Variants in TRAPPC9 observed in about 807,000 individuals in gnomAD.
TRAPPC9 encodes IKK2 binding protein.
In TRAPPC9, 83 loss-of-function variants were observed where a neutral mutation model predicts 124.0. The observed-to-expected ratio is 0.67, with a 90% CI of 0.56 to 0.80. TRAPPC9 has a LOEUF of 0.80. Ranked by LOEUF, TRAPPC9 falls within the 30% of genes least tolerant of loss-of-function variation. TRAPPC9 has a pLI of 0.00. For synonymous variants in TRAPPC9, 638 were observed against 617.5 expected, an observed-to-expected ratio of 1.03 and a Z score of -0.49; for missense variants, 1,302 against 1,508.3, an observed-to-expected ratio of 0.86 and a Z score of 2.27.
chr8:140,173,101 C>T (rs1040836127), intron 17 of TRAPPC9, among the ~76,000 whole-genome samples: 10 of 152,170 alleles, frequency 6.6e-5, no homozygotes, highest in Non-Finnish European at 1.2e-4. Context: ...ATAGGGTCTG[C>T]ATTTGTACTA....
rs146329916 is a variant in TRAPPC9, at chr8:140,156,960, CT to C, written c.2556+64498del. ...CCTCCCTTTCCATTCAAAAGCCTCC[CT>C]TTTCCATTCAAAAGCCTCCCTTTCC... On this transcript the variant is annotated intron_variant, in intron 17 of 22. Transcript: ENST00000438773. Among the ~76,000 whole-genome samples the C allele has an allele frequency of 9.9e-3, 1,055 of 106,670 alleles. 27 individuals carry two copies. Among genetic ancestry groups the C allele is most frequent in the Middle Eastern group, 0.015 (3 of 206 alleles). The allele number at this position is 106,670 out of a possible 152,430, so 70.0% of individuals were successfully genotyped here. A position where few individuals can be genotyped will look rare whatever the true frequency, so the allele number is the denominator to read the frequency against.
At chr8:139,916,673 G>C (rs1291966626) in intron 19 of TRAPPC9, 2 of 152,220 alleles carry the variant, frequency 1.3e-5, no homozygotes, top group Non-Finnish European at 2.9e-5. Flanking sequence ...TAATAGTCAA[G>C]AGTTGGCACT....
intron 17 of TRAPPC9, among the ~76,000 whole-genome samples, chr8:140,066,519 G>A (rs1284305755): frequency 6.6e-6 from 1 of 152,202 alleles, no homozygotes; most frequent in Non-Finnish European, 1.5e-5. Context: ...CAAGACCTGT[G>A]AGATTGAGAA....
intron 19 of TRAPPC9, among the ~76,000 whole-genome samples, chr8:139,983,250 C>T (rs1258065991): frequency 6.6e-6 from 1 of 152,164 alleles, no homozygotes; most frequent in African/African-American, 2.4e-5. Flanking sequence ...AACCTGCAGC[C>T]TCCAGAATCT....
chr8:140,316,621 A>T (rs2131913399), intron 9 of TRAPPC9, among the ~76,000 whole-genome samples: 4 of 152,276 alleles, frequency 2.6e-5, no homozygotes, highest in African/African-American at 9.6e-5. Flanking sequence ...AGATCTTTCA[A>T]ATGTGCTGTT....
chr8:140,012,453 G>A (rs1208814395), intron 18 of TRAPPC9, among the ~76,000 whole-genome samples: 4 of 152,218 alleles, frequency 2.6e-5, no homozygotes, highest in Non-Finnish European at 5.9e-5. Flanking sequence ...GAAGGGCGTG[G>A]ACCCCATGCG....
At chr8:140,347,873 C>G (rs996870477) in intron 9 of TRAPPC9, among the ~76,000 whole-genome samples, 1 of 152,226 alleles carries the variant, frequency 6.6e-6, no homozygotes, top group African/African-American at 2.4e-5. Context: ...GGTACTTCTT[C>G]CTTTTCCATA....
At chr8:139,794,348 C>A (rs566717641) in intron 21 of TRAPPC9, among the ~76,000 whole-genome samples, 1 of 152,332 alleles carries the variant, frequency 6.6e-6, no homozygotes, top group African/African-American at 2.4e-5. Flanking sequence ...CAGGTACTCG[C>A]CTGCAGACAT....
intron 9 of TRAPPC9, among the ~76,000 whole-genome samples, chr8:140,314,075 T>C (rs1447140078): frequency 6.6e-6 from 1 of 152,202 alleles, no homozygotes; most frequent in Non-Finnish European, 1.5e-5. Context: ...CCTCTGCACT[T>C]AGAAGCTAGA....
chr8:140,299,528 G>A (rs888586919), intron 11 of TRAPPC9, among the ~76,000 whole-genome samples: 9 of 152,246 alleles, frequency 5.9e-5, no homozygotes, highest in African/African-American at 1.4e-4. Flanking sequence ...CAGGCCTCCC[G>A]CTCACACTCC....
intron 6 of TRAPPC9, among the ~76,000 whole-genome samples, chr8:140,404,909 CGTGTGTGT>C (rs71320356): frequency 0.026 from 3,150 of 120,044 alleles, 120 homozygotes; most frequent in African/African-American, 0.08. Context: ...TGTGAGCATG[CGTGTGTGT>C]GTGTGTGTGT....
chr8:139,744,351 T>C (rs1818752862), intron 21 of TRAPPC9, among the ~76,000 whole-genome samples: 2 of 143,448 alleles, frequency 1.4e-5, no homozygotes, highest in African/African-American at 2.5e-5. Context: ...CCACCCCTGC[T>C]CCTTTCCACC....
intron 16 of TRAPPC9, among the ~76,000 whole-genome samples, chr8:140,240,623 C>T (rs1234324632): frequency 6.6e-6 from 1 of 152,170 alleles, no homozygotes; most frequent in East Asian, 1.9e-4. Flanking sequence ...CCCAGGTTGG[C>T]GTGCAGTGGC....
intron 9 of TRAPPC9, among the ~76,000 whole-genome samples, chr8:140,355,533 TCTC>T (rs2067714391): frequency 1.3e-5 from 2 of 151,870 alleles, no homozygotes; most frequent in South Asian, 4.2e-4. Context: ...AAACATATAT[TCTC>T]CTCCAGTATT....
intron 17 of TRAPPC9, among the ~76,000 whole-genome samples, chr8:140,078,878 G>A (rs1396914482): frequency 6.6e-6 from 1 of 152,104 alleles, no homozygotes; most frequent in Non-Finnish European, 1.5e-5. Context: ...TCCTAAAGCT[G>A]GATGGATCCT....
At chr8:140,456,284 C>T (rs2071662137) in intron 1 of TRAPPC9, among the ~76,000 whole-genome samples, 1 of 151,960 alleles carries the variant, frequency 6.6e-6, no homozygotes, top group Non-Finnish European at 1.5e-5. Context: ...TGGTGGCAGG[C>T]ACCTGTAATC....
chr8:139,943,206 A>G (rs1834017366), intron 19 of TRAPPC9, among the ~76,000 whole-genome samples: 1 of 152,180 alleles, frequency 6.6e-6, no homozygotes, highest in Admixed American at 6.5e-5. Context: ...AGTTGGGACT[A>G]CAGGTGCATA....
rs750300529 is a variant in TRAPPC9 at position 140,272,052 on chromosome 8, GTTA to G, written c.2278+3603_2278+3605del. 2.4e-3 allele frequency among the ~76,000 whole-genome samples: 336 copies of G among 142,232 alleles called. 4 individuals are homozygous for G. Among genetic ancestry groups the G allele is most frequent in the Non-Finnish European group, 3.4e-3 (220 of 64,428 alleles). 93.3% of individuals were successfully genotyped at this position (142,232 alleles called of 152,430 possible). On this transcript the variant is annotated intron_variant, in intron 15 of 22. Transcript: ENST00000438773. Reference sequence around the variant, plus strand: ...AGTGGTAATGGTGGTGGTTGTGGTGGTTATGGTAGTGATGGTGATGATGGTGGT... The same window carrying G: ...AGTGGTAATGGTGGTGGTTGTGGTGGTGGTAGTGATGGTGATGATGGTGGT...
intron 7 of TRAPPC9, among the ~76,000 whole-genome samples, chr8:140,396,711 AC>A (rs2132380477): frequency 6.6e-6 from 1 of 151,924 alleles, no homozygotes; most frequent in African/African-American, 2.4e-5. Flanking sequence ...TCTCTTCTTT[AC>A]CTGGCTATCT....
Sources: allele counts gnomAD v4.1 joint callset (sites outside exome capture counted in the v4.1 genomes callset), GRCh38; gene constraint gnomAD v4.1.1; transcripts MANE v1.5; gene names NCBI Gene and HGNC (gene_info 2026-07-23, HGNC 2026-07-21).